NEB: variants seen among roughly 807,000 people sequenced by gnomAD.
The protein encoded by NEB is nebulin.
A neutral mutation model predicts 952.2 loss-of-function variants in NEB; 512 were observed. That is an observed-to-expected ratio of 0.54 (90% CI 0.50 to 0.58). The LOEUF is 0.58. Ranked by LOEUF, NEB falls within the 20% of genes least tolerant of loss-of-function variation. The pLI, the probability that NEB is intolerant of heterozygous loss-of-function variation, is 0.00. For missense variants in NEB, 8,428 were observed against 9,231.1 expected (o/e 0.91, Z 3.56); for synonymous variants, 2,900 against 3,149.8 (o/e 0.92, Z 2.66).
intron 48 of NEB, among the ~76,000 whole-genome samples, chr2:151,657,072 A>T (rs113767547): frequency 0.017 from 2,649 of 152,182 alleles, 29 homozygotes; most frequent in Middle Eastern, 0.031. Flanking sequence ...CAGAGGGGAG[A>T]TCTTGATCCA....
At chr2:151,695,774 T>C (rs927085287) in intron 17 of NEB, 92 bp from the exon 18 acceptor site, 4 of 936,384 alleles carry the variant, frequency 4.3e-6, no homozygotes, top group African/African-American at 3.3e-5. Context: ...AGTGACAGCA[T>C]TATTGAGATC....
At position 151,577,109 on chromosome 2, in the gene NEB, C is replaced by T. The variant is rs193155908; in HGVS notation, c.16705-755G>A. Among the ~76,000 whole-genome samples, 209 of 152,290 alleles carry T rather than the reference C, an allele frequency of 1.4e-3. 2 individuals carry two copies. The highest frequency in any genetic ancestry group is 2.5e-3 in the Non-Finnish European group (172 of 68,018). On this transcript the variant is annotated intron_variant, in intron 105 of 181. Transcript: ENST00000397345. ...ACAATAATGGGCTTTCTAGTAAGTT[C>T]TCTACACAGCAGCCAGAATGATCTT... is the stretch of plus-strand genomic sequence containing the variant.
Position 151,697,157 on chromosome 2 carries a change from C to A in NEB, c.1461G>T (p.Gln487His). ...QEYEAIKKLD[Q>H]CKDHTYKVHP... is the part of the protein sequence containing the mutation. ...CAGACTACAGACTTACGTCTTTACA[C>A]TGATCTAGTTTCTTAATTGCTTCAT... Residue 487 changes from glutamine (Q) to histidine (H), a missense_variant, in exon 16 of 182, where the codon CAG becomes CAT. By Grantham distance (24) the Gln-to-His change is conservative. Around this residue, in one of 11 missense-constraint regions of NEB, gnomAD observed 2,851 missense variants for 2,791.5 expected, o/e 1.02. Transcript: ENST00000397345. 1.9e-6 allele frequency: 3 copies of A among 1,612,756 alleles called. 1 individual carries two copies. The highest frequency in any genetic ancestry group is 3.3e-4 in the Middle Eastern group (2 of 6,060).
chr2:151,609,081 T>A (rs563238012), intron 81 of NEB, among the ~76,000 whole-genome samples: 1 of 151,376 alleles, frequency 6.6e-6, no homozygotes, highest in East Asian at 1.9e-4. Flanking sequence ...AAATCCCTTT[T>A]GTGATCATAA....
In NEB at chr2:151,565,789, C is replaced by T. The variant is rs752344851; in HGVS notation, c.18188G>A (p.Arg6063Gln). The change falls in exon 115 of 182, where the codon CGA becomes CAA. Residue 6063 changes from arginine (R) to glutamine (Q), a missense_variant. Physicochemically the swap from Arg to Gln is conservative, Grantham distance 43. Coordinates refer to ENST00000397345, the MANE Select transcript of NEB (RefSeq NM_001164508.2). ...ATCCAGTGGGATCCAGCCAATGCCT[C>T]GGAGCCACTCCAGGTCAGCTCTGTA... ...NVYRADLEWL[R>Q]GIGWIPLDSV... The T allele has an allele frequency of 8.7e-6, 14 of 1,611,602 alleles. No individual in the cohort carries two copies. Among genetic ancestry groups the T allele is most frequent in the East Asian group, 4.5e-5 (2 of 44,756 alleles).
intron 153 of NEB, 99 bp downstream of exon 153, chr2:151,524,212 C>G: frequency 4.0e-6 from 4 of 1,005,750 alleles, no homozygotes; most frequent in Non-Finnish European, 6.0e-6. Context: ...ATTACAGACC[C>G]AGCATCCCTT....
chr2:151,526,048 G>A lies in NEB; in HGVS notation c.22071C>T (p.Val7357=). ...ATGAGCCCTGTGCCAAGTGCTTCTTGACATGGTCCTTGTACTTGTTCTGGG... is the reference window on the plus strand; with the variant it reads ...ATGAGCCCTGTGCCAAGTGCTTCTTAACATGGTCCTTGTACTTGTTCTGGG... ...LVSENKYKDH[V]KKHLAQGSYT... is the part of the protein sequence containing the mutation. Residue 7357 remains valine (V), a synonymous_variant, in exon 150 of 182, where the codon GTC becomes GTT. Transcript: ENST00000397345. The A allele has an allele frequency of 6.2e-7, 1 of 1,613,928 alleles. No individual in the cohort carries two copies. The highest frequency in any genetic ancestry group is 1.7e-5 in the Admixed American group (1 of 60,024).
Position 151,497,626 on chromosome 2 carries a change from C to T in NEB, c.24300G>A (p.Ser8100=), listed in dbSNP as rs541126160. 12 of 1,569,226 alleles carry T rather than the reference C, an allele frequency of 7.6e-6. No homozygotes were observed. The East Asian group carries it at 1.6e-4, about 21-fold the overall frequency. Residue 8100 remains serine, a splice_region_variant and synonymous_variant, in exon 171 of 182, where the codon TCG becomes TCA. Transcript: ENST00000397345. ...TTTTTTTCTTTTCTTGCCAAAGTAC[C>T]GAGCTAATATTTTCTTGATTGTGTT... ...RVKHNQENIS[S]VLYKENMGKG...
intron 124 of NEB, among the ~76,000 whole-genome samples, chr2:151,557,345 A>G (rs1178763215): frequency 1.3e-5 from 2 of 152,220 alleles, no homozygotes; most frequent in East Asian, 3.8e-4. Flanking sequence ...GAATAGGCCA[A>G]TAACAAGTTC....
At chr2:151,731,399 T>G (rs2099808256) in intron 3 of NEB, among the ~76,000 whole-genome samples, 2 of 152,198 alleles carry the variant, frequency 1.3e-5, no homozygotes, top group East Asian at 3.8e-4. Context: ...ATGTCCAAGA[T>G]CCCAAGGAGA....
chr2:151,524,485 G>A lies in NEB; in HGVS notation c.22374+30C>T, dbSNP rs753520710. 6.8e-6 allele frequency: 11 copies of A among 1,613,024 alleles called. No homozygotes were observed. The South Asian group carries it at 1.1e-4, about 16-fold the overall frequency. On this transcript the variant is annotated intron_variant, in intron 152 of 181. Coordinates refer to ENST00000397345, the MANE Select transcript of NEB (RefSeq NM_001164508.2). Reference sequence around the variant, plus strand: ...GGCATGCCTTGGCAATGGCTGTTGGGGACTGGGGACATTTTCATGACACCC... The same window carrying A: ...GGCATGCCTTGGCAATGGCTGTTGGAGACTGGGGACATTTTCATGACACCC...
rs138339671 is a variant in NEB, at chr2:151,628,415, A to G, written c.9832-581T>C. On this transcript the variant is annotated intron_variant, in intron 68 of 181. Coordinates refer to ENST00000397345, the MANE Select transcript of NEB (RefSeq NM_001164508.2). ...CAAATTTGACTGAGGTTTGTTTGGG[A>G]TTCCTCAAGTGAAAAATGGAATATG... Among the ~76,000 whole-genome samples, 12 of 152,270 alleles carry G rather than the reference A, an allele frequency of 7.9e-5. No homozygotes were observed. In the East Asian group the frequency reaches 2.1e-3, roughly 27 times the overall value.
At chr2:151,616,695 A>C (rs143524931) in intron 75 of NEB, among the ~76,000 whole-genome samples, 8 of 152,336 alleles carry the variant, frequency 5.3e-5, no homozygotes, top group African/African-American at 1.9e-4. Context: ...CTATGTCTCA[A>C]ACGTAACAAA....
At chr2:151,582,166 GA>G (rs1380743032) in intron 102 of NEB, among the ~76,000 whole-genome samples, 1 of 61,360 alleles carries the variant, frequency 1.6e-5, no homozygotes, top group African/African-American at 4.9e-5. Context: ...GCAATTTTGT[GA>G]TTATAGTACT....
intron 78 of NEB, 134 bp from the exon 79 acceptor site, chr2:151,611,000 T>C: frequency 1.7e-6 from 1 of 573,146 alleles, no homozygotes. Flanking sequence ...TCTAATGCTT[T>C]TGGGAGGTGA....
intron 49 of NEB, 55 bp downstream of exon 49, chr2:151,656,098 A>T (rs2099083181): frequency 6.3e-7 from 1 of 1,579,682 alleles, no homozygotes; most frequent in Non-Finnish European, 8.6e-7. Flanking sequence ...ACAGACTGTG[A>T]TCTCCCTTCC....
intron 50 of NEB, 31 bp downstream of exon 50, chr2:151,655,786 G>C: frequency 6.2e-7 from 1 of 1,603,878 alleles, no homozygotes. Context: ...CCTCACGTGG[G>C]AGCTGTGTGG....
rs1553898232 is a variant in NEB at position 151,614,579 on chromosome 2, GTAC to G, written c.11295_11297del (p.Lys3765_Tyr3766delinsAsn). ...CAAGCTGTTTGCGGTAGCCTTCCTT[GTAC>G]TTGTACTAAAAAAATAGAGATATGA... On this transcript the variant is annotated inframe_deletion, in exon 77 of 182. Coordinates refer to ENST00000397345, the MANE Select transcript of NEB (RefSeq NM_001164508.2). 6.2e-7 allele frequency: 1 copy of G among 1,611,846 alleles called. No individual in the cohort carries two copies. Among genetic ancestry groups the G allele is most frequent in the Non-Finnish European group, 8.5e-7 (1 of 1,178,356 alleles).
rs2098921858 is a variant in NEB at position 151,644,073 on chromosome 2, G to C, written c.7701C>G (p.Asn2567Lys). The C allele has an allele frequency of 6.2e-7, 1 of 1,613,846 alleles. No homozygotes were observed. Among genetic ancestry groups the C allele is most frequent in the African/African-American group, 1.3e-5 (1 of 74,910 alleles). The change falls in exon 57 of 182, where the codon AAC (asparagine) becomes AAG (lysine). Residue 2567 changes from asparagine to lysine, a missense_variant. Physicochemically the swap from Asn to Lys is moderately conservative, Grantham distance 94 (BLOSUM62 0). Around this residue, in one of 11 missense-constraint regions of NEB, gnomAD observed 1,772 missense variants for 1,960.3 expected, o/e 0.90. Transcript: ENST00000397345. ...ACATCATCTTGGGGTCATCTTCAAT[G>C]TTCCGGGCACCAATGTGGTGGCCGA... is the stretch of plus-strand genomic sequence containing the variant. ...KQLGHHIGAR[N>K]IEDDPKMMWS...
Sources: gnomAD v4.1 joint callset for allele counts (sites outside exome capture counted in the v4.1 genomes callset) on GRCh38, gnomAD v4.1.1 for gene constraint, gnomAD v4.1.1 regional missense constraint, MANE v1.5 for transcripts, NCBI Gene and HGNC (gene_info 2026-07-23, HGNC 2026-07-21) for gene names.